LONP2: variants seen among roughly 807,000 people sequenced by gnomAD.
LONP2 encodes lon protease homolog 2, peroxisomal.
LONP2 carries 60 observed loss-of-function variants against 85.6 expected under a neutral mutation model. The ratio of observed to expected loss-of-function variants is 0.70; its 90% CI spans 0.57 to 0.87. The LOEUF (loss-of-function observed/expected upper bound fraction) is 0.87. LONP2 is among the 40% of genes least tolerant of loss of function. The probability of loss-of-function intolerance (pLI) is 0.00; values close to 1 mark genes in which losing one functional copy is unlikely to be tolerated. For synonymous variants in LONP2, 395 were observed against 389.7 expected (o/e 1.01, Z -0.16); for missense variants, 860 against 1,063.5 (o/e 0.81, Z 2.66).
chr16:48,262,937 C>T, intron 6 of LONP2, 65 bp downstream of exon 6: 1 of 1,059,558 alleles, frequency 9.4e-7, no homozygotes, highest in Non-Finnish European at 1.4e-6. Flanking sequence ...TGCAATTTTT[C>T]ATTTCAAATT....
At chr16:48,360,431 G>A (rs186498316), downstream of LONP2, 3 of 152,676 alleles carry the variant, frequency 2.0e-5, no homozygotes, top group East Asian at 5.8e-4. Flanking sequence ...ACTTAAAAAT[G>A]ACAACACACA....
intron 11 of LONP2, among the ~76,000 whole-genome samples, chr16:48,322,727 TA>T (rs890111125): frequency 2.0e-5 from 3 of 152,086 alleles, no homozygotes; most frequent in Non-Finnish European, 4.4e-5. Context: ...TATATAAGAA[TA>T]AAAAATTTTT....
At chr16:48,317,653 T>A (rs1973173494) in intron 11 of LONP2, among the ~76,000 whole-genome samples, 1 of 152,226 alleles carries the variant, frequency 6.6e-6, no homozygotes, top group Non-Finnish European at 1.5e-5. Flanking sequence ...TTTGACTTGG[T>A]TAACAGACAT....
intron 10 of LONP2, among the ~76,000 whole-genome samples, chr16:48,301,559 A>G (rs1237970930): frequency 1.4e-5 from 2 of 144,826 alleles, no homozygotes; most frequent in Non-Finnish European, 3.0e-5. Flanking sequence ...TGCTTGAACC[A>G]GGGAGGTGGA....
At chr16:48,346,344 A>G (rs1959964013) in intron 12 of LONP2, among the ~76,000 whole-genome samples, 2 of 151,950 alleles carry the variant, frequency 1.3e-5, no homozygotes, top group African/African-American at 4.8e-5. Flanking sequence ...GGGTGTAATG[A>G]GAGTTAACAT....
chr16:48,291,132 G>A (rs1236177779), intron 8 of LONP2, among the ~76,000 whole-genome samples: 1 of 152,114 alleles, frequency 6.6e-6, no homozygotes, highest in Non-Finnish European at 1.5e-5. Context: ...TTTATTTTCT[G>A]TTGTGGAAAA....
Position 48,252,256 on chromosome 16 carries a change from C to A in LONP2, c.359C>A (p.Pro120His). Reference sequence around the variant, plus strand: ...CAGGTCTTAAAAGAGAAGCCATATCCCATTGCTGAAGTGGAGCAGTTGGAC... The same window carrying A: ...CAGGTCTTAAAAGAGAAGCCATATCACATTGCTGAAGTGGAGCAGTTGGAC... ...IVQVLKEKPY[P>H]IAEVEQLDRL... Residue 120 changes from proline to histidine, a missense_variant, in exon 2 of 15, where the codon CCC becomes CAC. Pro to His is a moderately conservative substitution (Grantham distance 77). Transcript: ENST00000285737. 1 of 1,614,130 alleles carries A rather than the reference C, an allele frequency of 6.2e-7. No homozygotes were observed.
At chr16:48,309,093 G>A (rs1972975640) in intron 11 of LONP2, among the ~76,000 whole-genome samples, 1 of 152,130 alleles carries the variant, frequency 6.6e-6, no homozygotes, top group Non-Finnish European at 1.5e-5. Context: ...AAAAATCTAT[G>A]AGATACCATC....
chr16:48,251,836 T>G (rs1217122466), intron 1 of LONP2, among the ~76,000 whole-genome samples: 2 of 152,232 alleles, frequency 1.3e-5, no homozygotes, highest in Admixed American at 1.3e-4. Flanking sequence ...TATGTAATTC[T>G]CAGCTGCTTT....
At chr16:48,288,382 T>G (rs1972493028) in intron 8 of LONP2, among the ~76,000 whole-genome samples, 1 of 152,138 alleles carries the variant, frequency 6.6e-6, no homozygotes, top group Non-Finnish European at 1.5e-5. Flanking sequence ...CTCGAACTCC[T>G]GACCTCGTGA....
intron 14 of LONP2, among the ~76,000 whole-genome samples, chr16:48,348,639 C>T (rs1414382486): frequency 6.6e-6 from 1 of 151,976 alleles, no homozygotes; most frequent in Non-Finnish European, 1.5e-5. Context: ...ACTATAGGAG[C>T]ACGCCACCAT....
chr16:48,340,338 C>T (rs144873537), intron 12 of LONP2, among the ~76,000 whole-genome samples: 65 of 152,148 alleles, frequency 4.3e-4, no homozygotes, highest in African/African-American at 1.4e-3. Context: ...CCCAGTAATA[C>T]TAAAAAAGAA....
intron 12 of LONP2, chr16:48,344,923 CAAACA>C (rs1434385166): frequency 3.3e-5 from 5 of 151,066 alleles, no homozygotes; most frequent in Non-Finnish European, 5.9e-5. Context: ...TGTCTCAAAA[CAAACA>C]AAACAACAAT....
chr16:48,356,533 A>G lies in LONP2; in HGVS notation c.*4731A>G, dbSNP rs1960364461. On this transcript the variant is annotated 3_prime_UTR_variant, in exon 15 of 15. Transcript: ENST00000285737. ...CAGCTAAAAAAAAAAAAAAAAAAAA[A>G]GACTACAGTTAGTCATTATCCAATT... 6.5e-6 allele frequency: 1 copy of G among 153,692 alleles called. No homozygotes were observed. Among genetic ancestry groups the G allele is most frequent in the African/African-American group, 2.5e-5 (1 of 40,760 alleles). The allele number at this position is 153,692 out of a possible 1,614,324, so 9.5% of individuals were successfully genotyped here. A position where few individuals can be genotyped will look rare whatever the true frequency, so the allele number is the denominator to read the frequency against.
At chr16:48,327,467 T>G (rs542279807) in intron 11 of LONP2, among the ~76,000 whole-genome samples, 2 of 152,328 alleles carry the variant, frequency 1.3e-5, no homozygotes, top group African/African-American at 4.8e-5. Flanking sequence ...TGTTTTGTTT[T>G]GTTTTTTTGG....
At chr16:48,264,674 A>G (rs144965778) in intron 6 of LONP2, among the ~76,000 whole-genome samples, 2,088 of 152,344 alleles carry the variant, frequency 0.014, 48 homozygotes, top group African/African-American at 0.047. Flanking sequence ...TCACAAGAGT[A>G]TTGATTGAGG....
At chr16:48,312,787 A>T (rs1461759381) in intron 11 of LONP2, among the ~76,000 whole-genome samples, 1 of 152,228 alleles carries the variant, frequency 6.6e-6, no homozygotes, top group African/African-American at 2.4e-5. Context: ...TGGTGCCTGC[A>T]GATGAGCGTC....
intron 6 of LONP2, 30 bp from the exon 7 acceptor site, chr16:48,269,986 T>C: frequency 1.9e-6 from 3 of 1,587,270 alleles, no homozygotes; most frequent in Non-Finnish European, 2.6e-6. Context: ...TTTTATGTGT[T>C]CTAATTATTT....
chr16:48,295,160 T>C (rs754106732), intron 8 of LONP2, among the ~76,000 whole-genome samples: 4 of 152,054 alleles, frequency 2.6e-5, no homozygotes, highest in Non-Finnish European at 5.9e-5. Context: ...TCACTTGAGG[T>C]CAAGAATTTG....
Sources: allele counts gnomAD v4.1 joint callset (sites outside exome capture counted in the v4.1 genomes callset), GRCh38; gene constraint gnomAD v4.1.1; transcripts MANE v1.5; gene names NCBI Gene and HGNC (gene_info 2026-07-23, HGNC 2026-07-21).